DCBLD2: variants seen among roughly 807,000 people sequenced by gnomAD.
The protein encoded by DCBLD2 is discoidin, CUB and LCCL domain-containing protein 2.
A neutral mutation model predicts 86.8 loss-of-function variants in DCBLD2; 54 were observed. The observed-to-expected ratio is 0.62, with a 90% CI of 0.50 to 0.78. The LOEUF is 0.78. Among genes scored for constraint, DCBLD2 ranks in the 30% least tolerant of loss-of-function variants. The pLI is 0.00. For missense variants in DCBLD2, 908 were observed against 954.2 expected, an observed-to-expected ratio of 0.95 and a Z score of 0.64; for synonymous variants, 354 against 341.3, an observed-to-expected ratio of 1.04 and a Z score of -0.41.
At position 98,799,529 on chromosome 3, in the gene DCBLD2, C is replaced by G; in HGVS notation, c.2171G>C (p.Ser724Thr). The G allele has an allele frequency of 1.2e-6, 2 of 1,613,984 alleles. No homozygotes were observed. Among genetic ancestry groups the G allele is most frequent in the Non-Finnish European group, 1.7e-6 (2 of 1,179,882 alleles). The change falls in exon 16 of 16, where the codon AGC (serine) becomes ACC (threonine). Residue 724 changes from serine (S) to threonine (T), a missense_variant. By Grantham distance (58) the Ser-to-Thr change is moderately conservative. Around this residue, in one of 3 missense-constraint regions of DCBLD2, gnomAD observed 606 missense variants for 678.5 expected, o/e 0.89. Coordinates refer to ENST00000326840, the MANE Select transcript of DCBLD2 (RefSeq NM_080927.4). ...TYNTLLSRTD[S>T]CSSAQAQYDT... ...ATACTGGGCCTGGGCTGAGGAGCAG[C>G]TGTCAGTCCTGGAGAGAAGTGTATT...
intron 2 of DCBLD2, among the ~76,000 whole-genome samples, chr3:98,869,990 T>C (rs1943228432): frequency 6.6e-6 from 1 of 152,218 alleles, no homozygotes; most frequent in South Asian, 2.1e-4. Flanking sequence ...ATAATAATCA[T>C]AGGGTGCTAT....
chr3:98,863,383 C>CA (rs1460603961), intron 2 of DCBLD2, among the ~76,000 whole-genome samples: 5 of 151,674 alleles, frequency 3.3e-5, no homozygotes, highest in East Asian at 1.9e-4. Context: ...CATATGGAAC[C>CA]AAAAAAAAGC....
intron 13 of DCBLD2, among the ~76,000 whole-genome samples, chr3:98,804,638 G>T (rs1378261087): frequency 6.6e-6 from 1 of 151,882 alleles, no homozygotes; most frequent in Admixed American, 6.6e-5. Context: ...GTGATGTTAG[G>T]GTGTCAATTT....
chr3:98,888,196 C>A (rs999074572), intron 1 of DCBLD2, among the ~76,000 whole-genome samples: 1 of 151,914 alleles, frequency 6.6e-6, no homozygotes, highest in Admixed American at 6.6e-5. Flanking sequence ...GCATAAGATG[C>A]ACATGCATTC....
chr3:98,890,624 A>G (rs1943643631), intron 1 of DCBLD2, among the ~76,000 whole-genome samples: 1 of 151,954 alleles, frequency 6.6e-6, no homozygotes, highest in Non-Finnish European at 1.5e-5. Context: ...GTTACCTTCT[A>G]CAGCATCTGG....
intron 2 of DCBLD2, among the ~76,000 whole-genome samples, chr3:98,880,380 T>G (rs559124914): frequency 1.3e-5 from 2 of 152,336 alleles, no homozygotes; most frequent in African/African-American, 4.8e-5. Context: ...TCACAGAGAA[T>G]TCCTAATTTT....
intron 2 of DCBLD2, among the ~76,000 whole-genome samples, chr3:98,875,899 C>T (rs1310554842): frequency 6.6e-6 from 1 of 151,812 alleles, no homozygotes; most frequent in African/African-American, 2.4e-5. Flanking sequence ...AAGAAAAAAA[C>T]CCCGATGTAC....
At chr3:98,883,581 C>T (rs1473462794) in intron 1 of DCBLD2, among the ~76,000 whole-genome samples, 4 of 152,076 alleles carry the variant, frequency 2.6e-5, no homozygotes, top group Non-Finnish European at 4.4e-5. Context: ...ACTGAGCACC[C>T]AGAAGGAAAA....
intron 2 of DCBLD2, among the ~76,000 whole-genome samples, chr3:98,860,622 C>A (rs976833027): frequency 2.6e-5 from 4 of 152,142 alleles, no homozygotes; most frequent in Non-Finnish European, 2.9e-5. Flanking sequence ...TCCAGCCAAA[C>A]TAAGCTTCAT....
rs1195183945 is a variant in DCBLD2 at position 98,841,937 on chromosome 3, T to G, written c.571+7524A>C. Among the ~76,000 whole-genome samples, 3 of 152,096 alleles carry G rather than the reference T, an allele frequency of 2.0e-5. No homozygotes were observed. The East Asian group carries it at 5.8e-4, about 29-fold the overall frequency. Reference sequence around the variant, plus strand: ...AAAATTAGCCGGGCATGGTGGCGTGTGCCTGTAGTCCCAGCTACTTGGGAG... The same window carrying G: ...AAAATTAGCCGGGCATGGTGGCGTGGGCCTGTAGTCCCAGCTACTTGGGAG... On this transcript the variant is annotated intron_variant, in intron 3 of 15. Coordinates refer to ENST00000326840, the MANE Select transcript of DCBLD2 (RefSeq NM_080927.4).
intron 1 of DCBLD2, among the ~76,000 whole-genome samples, chr3:98,895,839 C>T (rs924813287): frequency 6.6e-6 from 1 of 152,182 alleles, no homozygotes; most frequent in African/African-American, 2.4e-5. Context: ...TTTTACTCTT[C>T]TCTGAATGTC....
At position 98,819,350 on chromosome 3, in the gene DCBLD2, C is replaced by T; in HGVS notation, c.939G>A (p.Val313=). The change falls in exon 8 of 16, where the codon GTG becomes GTA. Residue 313 remains valine, a synonymous_variant. Coordinates refer to ENST00000326840, the MANE Select transcript of DCBLD2 (RefSeq NM_080927.4). The part of the protein sequence containing the change: ...IADPQITASS[V]LEWTDHTGQE... The stretch of plus-strand genomic sequence containing the variant: ...GCCCTGTGTGGTCAGTCCACTCCAG[C>T]ACAGATGATGCTGTTATTTGAGGAT... 6.2e-7 allele frequency: 1 copy of T among 1,613,794 alleles called. No individual in the cohort carries two copies.
rs770205511 is a variant in DCBLD2 at position 98,822,636 on chromosome 3, C to G, written c.696+33G>C. The G allele has an allele frequency of 3.9e-6, 6 of 1,530,004 alleles. No individual in the cohort carries two copies. In the Admixed American group the frequency reaches 6.5e-5, roughly 17 times the overall value. The allele number at this position is 1,530,004 out of a possible 1,614,324, so 94.8% of individuals were successfully genotyped here. A position where few individuals can be genotyped will look rare whatever the true frequency, so the allele number is the denominator to read the frequency against. Reference sequence around the variant, plus strand: ...GAGTTCTAAAAAAATAGAGTTATATCACAATTTTCAAATAAGTTTATATCT... The same window carrying G: ...GAGTTCTAAAAAAATAGAGTTATATGACAATTTTCAAATAAGTTTATATCT... On this transcript the variant is annotated intron_variant, in intron 5 of 15. Coordinates refer to ENST00000326840, the MANE Select transcript of DCBLD2 (RefSeq NM_080927.4).
intron 4 of DCBLD2, among the ~76,000 whole-genome samples, chr3:98,823,830 C>T (rs2107450621): frequency 6.6e-6 from 1 of 152,292 alleles, no homozygotes; most frequent in East Asian, 1.9e-4. Flanking sequence ...TGCCCATTCA[C>T]ACAGTTAGCA....
rs576720707 is a variant in DCBLD2, at chr3:98,862,582, C to T, written c.434-12984G>A. 3.5e-4 allele frequency among the ~76,000 whole-genome samples: 54 copies of T among 152,212 alleles called. 1 individual carries two copies. The highest frequency in any genetic ancestry group is 2.8e-3 in the Admixed American group (43 of 15,272). ...GGTTGAACATATGCAAATCCATAAA[C>T]GTAATCCAGCATATAAACAGAACCA... On this transcript the variant is annotated intron_variant, in intron 2 of 15. Transcript: ENST00000326840.
At chr3:98,860,067 C>T (rs1260553448) in intron 2 of DCBLD2, among the ~76,000 whole-genome samples, 2 of 152,140 alleles carry the variant, frequency 1.3e-5, no homozygotes, top group Admixed American at 1.3e-4. Flanking sequence ...ATGAGAACTA[C>T]GTGACGAATG....
In DCBLD2 at chr3:98,857,676, T is replaced by C. The variant is rs538660535; in HGVS notation, c.434-8078A>G. Among the ~76,000 whole-genome samples the C allele has an allele frequency of 1.6e-4, 24 of 151,732 alleles. No homozygotes were observed. In the South Asian group the frequency reaches 1.7e-3, roughly 11 times the overall value. The stretch of plus-strand genomic sequence containing the variant: ...CCTTGAGCTAGATACACAGTGCCGA[T>C]TGGTGTATTTACAATCCCTTAGCTA... On this transcript the variant is annotated intron_variant, in intron 2 of 15. Coordinates refer to ENST00000326840, the MANE Select transcript of DCBLD2 (RefSeq NM_080927.4).
chr3:98,843,672 T>G (rs1942661519), intron 3 of DCBLD2, among the ~76,000 whole-genome samples: 1 of 152,194 alleles, frequency 6.6e-6, no homozygotes, highest in African/African-American at 2.4e-5. Flanking sequence ...CTATTGGTGT[T>G]AATTCTAAAA....
At chr3:98,868,166 T>TA (rs1282285926) in intron 2 of DCBLD2, among the ~76,000 whole-genome samples, 1 of 152,160 alleles carries the variant, frequency 6.6e-6, no homozygotes, top group Non-Finnish European at 1.5e-5. Flanking sequence ...CTAAAGGCCA[T>TA]AAAAAATTTA....
Sources: allele counts gnomAD v4.1 joint callset (sites outside exome capture counted in the v4.1 genomes callset), GRCh38; gene constraint gnomAD v4.1.1; regional missense constraint gnomAD v4.1.1; transcripts MANE v1.5; gene names NCBI Gene and HGNC (gene_info 2026-07-23, HGNC 2026-07-21).